B3GALT1: variants seen among roughly 807,000 people sequenced by gnomAD.
B3GALT1 encodes the protein UDP-Gal:betaGlcNAc beta 1,3-galactosyltransferase, polypeptide 1.
In B3GALT1, 10 loss-of-function variants were observed where a neutral mutation model predicts 23.2. The ratio of observed to expected loss-of-function variants is 0.43; its 90% confidence interval spans 0.27 to 0.73. B3GALT1 has a LOEUF of 0.73. B3GALT1 is among the 30% of genes least tolerant of loss of function. The pLI, the probability that B3GALT1 is intolerant of heterozygous loss-of-function variation, is 0.21. For synonymous variants in B3GALT1, 156 were observed against 141.5 expected, an observed-to-expected ratio of 1.10 and a Z score of -0.73; for missense variants, 299 against 405.4, an observed-to-expected ratio of 0.74 and a Z score of 2.25.
At position 167,838,795 on chromosome 2, in the gene B3GALT1, C is replaced by T. The variant is rs1574293354; in HGVS notation, c.-230+20002C>T. Among the ~76,000 whole-genome samples the T allele has an allele frequency of 2.6e-5, 4 of 152,304 alleles. No individual in the cohort carries two copies. The South Asian group carries it at 8.3e-4, about 32-fold the overall frequency. ...AATCCTCAATAAAATACTGGCAAAC[C>T]AAATCCAGCAGCACATCAAAAAGCT... is the stretch of plus-strand genomic sequence containing the variant. On this transcript the variant is annotated intron_variant, in intron 4 of 4. Transcript: ENST00000392690.
At chr2:167,791,321 AT>A (rs1323965361) in intron 3 of B3GALT1, among the ~76,000 whole-genome samples, 1 of 152,188 alleles carries the variant, frequency 6.6e-6, no homozygotes, top group African/African-American at 2.4e-5. Flanking sequence ...CGCAGTTTTT[AT>A]CACACTGAAA....
At chr2:167,657,885 A>T (rs1233143377) in intron 3 of B3GALT1, among the ~76,000 whole-genome samples, 1 of 152,132 alleles carries the variant, frequency 6.6e-6, no homozygotes, top group Non-Finnish European at 1.5e-5. Context: ...TGATGACCCA[A>T]GCATACAGTA....
intron 1 of B3GALT1, among the ~76,000 whole-genome samples, chr2:167,295,756 G>T (rs1406630430): frequency 7.0e-6 from 1 of 143,248 alleles, no homozygotes; most frequent in Non-Finnish European, 1.5e-5. Flanking sequence ...TCATTTTAAG[G>T]TTGTGTGTGT....
chr2:167,781,761 A>T (rs1558977247), intron 3 of B3GALT1, among the ~76,000 whole-genome samples: 2 of 151,802 alleles, frequency 1.3e-5, no homozygotes, highest in African/African-American at 4.8e-5. Context: ...TTTGTTTTTG[A>T]GACAGGGTCT....
intron 1 of B3GALT1, among the ~76,000 whole-genome samples, chr2:167,458,099 C>A (rs940493749): frequency 3.3e-5 from 5 of 152,110 alleles, no homozygotes; most frequent in Admixed American, 6.6e-5. Flanking sequence ...AAATTCTATA[C>A]CAATTAGACA....
At chr2:167,737,772 A>G (rs1374095102) in intron 3 of B3GALT1, among the ~76,000 whole-genome samples, 1 of 152,234 alleles carries the variant, frequency 6.6e-6, no homozygotes, top group Non-Finnish European at 1.5e-5. Flanking sequence ...GAGTCAGTGG[A>G]AGCTACATGT....
chr2:167,494,643 A>C (rs1400229790), intron 2 of B3GALT1, among the ~76,000 whole-genome samples: 1 of 152,198 alleles, frequency 6.6e-6, no homozygotes. Flanking sequence ...ACAAAATCAA[A>C]TGTTAGGTTT....
At chr2:167,435,987 ACACACACACG>A (rs1698779983) in intron 1 of B3GALT1, among the ~76,000 whole-genome samples, 1 of 105,242 alleles carries the variant, frequency 9.5e-6, no homozygotes, top group African/African-American at 6.2e-5. Context: ...ACACACGCAC[ACACACACACG>A]CACTAGTCCA....
chr2:167,541,141 T>G (rs1683527592), intron 2 of B3GALT1, among the ~76,000 whole-genome samples: 1 of 152,150 alleles, frequency 6.6e-6, no homozygotes, highest in Non-Finnish European at 1.5e-5. Context: ...ACCTCCTACT[T>G]CTTTTTCTAT....
chr2:167,349,675 A>G (rs1697280222), intron 1 of B3GALT1, among the ~76,000 whole-genome samples: 1 of 152,172 alleles, frequency 6.6e-6, no homozygotes, highest in South Asian at 2.1e-4. Context: ...TGGAAAAGAC[A>G]TTAAATTTGT....
At chr2:167,702,984 T>C (rs535400208) in intron 3 of B3GALT1, among the ~76,000 whole-genome samples, 1 of 152,310 alleles carries the variant, frequency 6.6e-6, no homozygotes, top group Non-Finnish European at 1.5e-5. Flanking sequence ...ATGGGTTTTC[T>C]CACAAAGTAA....
chr2:167,590,772 A>G (rs529322401), intron 2 of B3GALT1, among the ~76,000 whole-genome samples: 1 of 152,330 alleles, frequency 6.6e-6, no homozygotes, highest in South Asian at 2.1e-4. Context: ...TTAAAATGTT[A>G]ATGTGTAAGA....
chr2:167,836,324 G>T (rs1574291005), intron 4 of B3GALT1, among the ~76,000 whole-genome samples: 1 of 152,114 alleles, frequency 6.6e-6, no homozygotes, highest in Non-Finnish European at 1.5e-5. Flanking sequence ...ATACAGAGAA[G>T]TGCTTAAAGG....
chr2:167,309,085 T>C (rs1208381984), intron 1 of B3GALT1, among the ~76,000 whole-genome samples: 1 of 152,034 alleles, frequency 6.6e-6, no homozygotes, highest in Non-Finnish European at 1.5e-5. Context: ...TGTTAAAAAA[T>C]TAACCCTATT....
intron 1 of B3GALT1, among the ~76,000 whole-genome samples, chr2:167,384,580 C>A (rs1213518753): frequency 6.6e-6 from 1 of 152,092 alleles, no homozygotes; most frequent in African/African-American, 2.4e-5. Context: ...CCTCTGATTT[C>A]TCTCCTCTCC....
At chr2:167,633,892 A>G (rs971162662) in intron 2 of B3GALT1, among the ~76,000 whole-genome samples, 9 of 152,254 alleles carry the variant, frequency 5.9e-5, no homozygotes, top group Non-Finnish European at 7.4e-5. Flanking sequence ...CAGAATATAC[A>G]TTCTTCTCAG....
chr2:167,562,818 C>G (rs1435295586), intron 2 of B3GALT1, among the ~76,000 whole-genome samples: 2 of 151,902 alleles, frequency 1.3e-5, no homozygotes, highest in Non-Finnish European at 2.9e-5. Context: ...GTTTGTGTCC[C>G]TGGGTACTTG....
At chr2:167,804,823 A>C (rs969101221) in intron 3 of B3GALT1, among the ~76,000 whole-genome samples, 21 of 152,128 alleles carry the variant, frequency 1.4e-4, no homozygotes, top group Admixed American at 3.3e-4. Context: ...ATGATTTATA[A>C]TCCTTTGGGT....
chr2:167,441,857 ATGTTT>A (rs1698898422), intron 1 of B3GALT1, among the ~76,000 whole-genome samples: 1 of 149,806 alleles, frequency 6.7e-6, no homozygotes. Flanking sequence ...GCAAGATCCC[ATGTTT>A]TTTTTTTTTT....
Sources: allele counts gnomAD v4.1 joint callset (sites outside exome capture counted in the v4.1 genomes callset), GRCh38; gene constraint gnomAD v4.1.1; transcripts MANE v1.5; gene names NCBI Gene and HGNC (gene_info 2026-07-23, HGNC 2026-07-21).